The following SFXN5 variants were observed in gnomAD, a reference collection of about 807,000 sequenced individuals.
The protein encoded by SFXN5 is sideroflexin 5, also known as sideroflexin-5.
SFXN5 carries 43 observed loss-of-function variants against 50.2 expected under a neutral mutation model. The observed-to-expected ratio is 0.86, with a 90% confidence interval of 0.67 to 1.11. SFXN5 has a LOEUF of 1.11. SFXN5 is among the 50% of genes least tolerant of loss of function. SFXN5 has a pLI of 0.00. For synonymous variants in SFXN5, 203 were observed against 185.8 expected (o/e 1.09, Z -0.75); for missense variants, 463 against 454.1 (o/e 1.02, Z -0.18).
chr2:72,978,828 A>G (rs1670950278), intron 10 of SFXN5, among the ~76,000 whole-genome samples: 1 of 152,044 alleles, frequency 6.6e-6, no homozygotes, highest in Admixed American at 6.6e-5. Flanking sequence ...TTTTTTTTAA[A>G]TTCCCCAGGT....
At chr2:72,965,705 T>C (rs1209208759) in intron 12 of SFXN5, among the ~76,000 whole-genome samples, 3 of 152,074 alleles carry the variant, frequency 2.0e-5, no homozygotes, top group Non-Finnish European at 4.4e-5. Flanking sequence ...CAAGGAAACT[T>C]TTCCTGTTTC....
chr2:73,058,706 T>C (rs916983109), intron 1 of SFXN5, 110 bp from the exon 2 acceptor site: 1 of 950,792 alleles, frequency 1.1e-6, no homozygotes, highest in African/African-American at 1.6e-5. Flanking sequence ...TCCCCAGGAC[T>C]CCTCGTGTGG....
rs746636787 is a variant in SFXN5 at position 73,001,520 on chromosome 2, G to A, written c.411+5C>T. 3 of 1,614,160 alleles carry A rather than the reference G, an allele frequency of 1.9e-6. No individual in the cohort carries two copies. The highest frequency in any genetic ancestry group is 1.7e-5 in the Admixed American group (1 of 60,024). ...CAGGAGCCCTGTTTGCTGCGAGACT[G>A]TTACCTGCCAGAAGACAGTGGATGC... is the stretch of plus-strand genomic sequence containing the variant. On this transcript the variant is annotated splice_donor_5th_base_variant and intron_variant, in intron 7 of 13. Transcript: ENST00000272433.
intron 2 of SFXN5, among the ~76,000 whole-genome samples, chr2:73,043,566 T>C (rs545993547): frequency 6.6e-6 from 1 of 152,252 alleles, no homozygotes; most frequent in East Asian, 1.9e-4. Context: ...TTTTCTTACT[T>C]GGAATGGCCT....
In SFXN5 at chr2:73,058,563, C is replaced by A; in HGVS notation, c.136G>T (p.Asp46Tyr). Reference protein sequence around the residue: ...SFYGRFRHFLDIIDPRTLFVT... With the variant: ...SFYGRFRHFLYIIDPRTLFVT... Reference sequence around the variant, plus strand: ...AAGAGTGTGCGAGGGTCGATGATATCCAAGAAGTGCCTGAAGCGGCCATAG... The same window carrying A: ...AAGAGTGTGCGAGGGTCGATGATATACAAGAAGTGCCTGAAGCGGCCATAG... The change falls in exon 2 of 14, where the codon GAT (aspartate) becomes TAT (tyrosine). Residue 46 changes from aspartate to tyrosine, a missense_variant. Coordinates refer to ENST00000272433, the MANE Select transcript of SFXN5 (RefSeq NM_144579.3). The A allele has an allele frequency of 6.2e-7, 1 of 1,614,024 alleles. No individual in the cohort carries two copies. The highest frequency in any genetic ancestry group is 2.2e-5 in the East Asian group (1 of 44,858).
chr2:72,957,207 G>T, intron 13 of SFXN5: 1 of 389,218 alleles, frequency 2.6e-6, no homozygotes, highest in Middle Eastern at 3.6e-4. Context: ...TGACTGTCTA[G>T]GAATCATCTC....
At chr2:73,060,618 C>CATAG (rs540230860) in intron 1 of SFXN5, among the ~76,000 whole-genome samples, 2 of 151,890 alleles carry the variant, frequency 1.3e-5, no homozygotes, top group South Asian at 4.2e-4. Flanking sequence ...GAATATGGAC[C>CATAG]ATAGGTTAAT....
chr2:73,071,477 C>G lies in SFXN5; in HGVS notation c.102+127G>C, dbSNP rs933989691. The G allele has an allele frequency of 6.0e-5, 48 of 804,006 alleles. No individual in the cohort carries two copies. In the South Asian group the frequency reaches 7.6e-4, roughly 13 times the overall value. 49.8% of individuals were successfully genotyped at this position (804,006 alleles called of 1,614,324 possible). ...GGTGACTGTGACCGAGGTTCCCCCC[C>G]TGGCGCTAGCTGCAGGCTCCGCTGG... On this transcript the variant is annotated intron_variant, in intron 1 of 13. Transcript: ENST00000272433.
intron 10 of SFXN5, among the ~76,000 whole-genome samples, chr2:72,978,858 G>T (rs1310804928): frequency 6.6e-6 from 1 of 151,940 alleles, no homozygotes; most frequent in African/African-American, 2.4e-5. Context: ...ACAGATGAAG[G>T]TTTGAAAACT....
intron 13 of SFXN5, among the ~76,000 whole-genome samples, chr2:72,956,669 G>A (rs542028868): frequency 2.6e-5 from 4 of 152,082 alleles, no homozygotes; most frequent in Non-Finnish European, 5.9e-5. Context: ...ACCTACCTTG[G>A]AGAATTCTCA....
At position 72,973,945 on chromosome 2, in the gene SFXN5, A is replaced by C. The variant is rs1670326724; in HGVS notation, c.626-2260T>G. Among the ~76,000 whole-genome samples the C allele has an allele frequency of 3.3e-5, 5 of 152,194 alleles. No individual in the cohort carries two copies. The South Asian group carries it at 1.0e-3, about 32-fold the overall frequency. On this transcript the variant is annotated intron_variant, in intron 10 of 13. Transcript: ENST00000272433. This position sits in a 1 kb window ranked among gnomAD's most constrained non-coding sequence, Gnocchi z 5.5. ...CTCTGATGACGCTGTCCACCATACC[A>C]CCACCACCGCCACTCCCAGAAAGGC... is the stretch of plus-strand genomic sequence containing the variant.
intron 12 of SFXN5, among the ~76,000 whole-genome samples, chr2:72,965,468 C>A (rs1048369633): frequency 1.2e-4 from 18 of 152,204 alleles, no homozygotes; most frequent in Non-Finnish European, 2.5e-4. Context: ...CGCGATAAGG[C>A]AGGGGTCTAA....
At chr2:72,959,713 C>T (rs1417013214) in intron 13 of SFXN5, among the ~76,000 whole-genome samples, 2 of 152,170 alleles carry the variant, frequency 1.3e-5, no homozygotes, top group Non-Finnish European at 2.9e-5. Flanking sequence ...GGTCCCCCCT[C>T]CTCTTCATAG....
At chr2:73,058,897 A>G (rs1162025557) in intron 1 of SFXN5, 4 of 373,430 alleles carry the variant, frequency 1.1e-5, no homozygotes, top group African/African-American at 8.3e-5. Context: ...AGCCTATTAA[A>G]AGCTCCCAAG....
intron 10 of SFXN5, among the ~76,000 whole-genome samples, chr2:72,972,961 G>A (rs1464824008): frequency 1.3e-5 from 2 of 152,080 alleles, no homozygotes; most frequent in Non-Finnish European, 2.9e-5. Context: ...GCGGGGCCTA[G>A]TGGGCAGGCG....
At chr2:73,029,409 G>A (rs74461632) in intron 3 of SFXN5, among the ~76,000 whole-genome samples, 3,693 of 152,060 alleles carry the variant, frequency 0.024, 154 homozygotes, top group African/African-American at 0.084. Context: ...TAAAATAGAG[G>A]GAAGCAATTC....
intron 2 of SFXN5, among the ~76,000 whole-genome samples, chr2:73,050,388 G>GCGCGCGCGCA: frequency 6.9e-6 from 1 of 143,912 alleles, no homozygotes; most frequent in East Asian, 2.1e-4. Flanking sequence ...CAGCCACAGC[G>GCGCGCGCGCA]CACGCACACA....
chr2:73,053,464 T>C lies in SFXN5; in HGVS notation c.171+5064A>G, dbSNP rs542857484. 3.3e-5 allele frequency: 5 copies of C among 153,642 alleles called. No individual in the cohort carries two copies. The East Asian group carries it at 9.7e-4, about 30-fold the overall frequency. 9.5% of individuals were successfully genotyped at this position (153,642 alleles called of 1,614,324 possible). ...CTCCTTTCTCCATTTAGGATCAAAA[T>C]GCACCATTCTTCTCCTCTGTCAAGC... On this transcript the variant is annotated intron_variant, in intron 2 of 13. Coordinates refer to ENST00000272433, the MANE Select transcript of SFXN5 (RefSeq NM_144579.3).
At chr2:73,039,597 C>CTA (rs1362657531) in intron 3 of SFXN5, among the ~76,000 whole-genome samples, 5 of 152,084 alleles carry the variant, frequency 3.3e-5, no homozygotes, top group African/African-American at 1.2e-4. Context: ...GAATCCTCAA[C>CTA]TACCATAATA....
Sources: allele counts gnomAD v4.1 joint callset (sites outside exome capture counted in the v4.1 genomes callset), GRCh38; gene constraint gnomAD v4.1.1; non-coding constraint Gnocchi (gnomAD v3.1); transcripts MANE v1.5; gene names NCBI Gene and HGNC (gene_info 2026-07-23, HGNC 2026-07-21).